The following CGREF1 variants were observed in gnomAD, a reference collection of about 807,000 sequenced individuals.
CGREF1 encodes cell growth regulator with EF-hand domain 1, also known as cell growth regulator with EF hand domain protein 1.
Under a neutral mutation model 17.4 loss-of-function variants are expected in CGREF1, and 16 were observed. The ratio of observed to expected loss-of-function variants is 0.92; its 90% CI spans 0.62 to 1.40. The LOEUF is 1.40. CGREF1 is among the 40% of genes most tolerant of loss of function. CGREF1 has a pLI of 0.00. For missense variants in CGREF1, 296 were observed against 376.4 expected (o/e 0.79, Z 1.77); for synonymous variants, 142 against 154.6 (o/e 0.92, Z 0.61).
intron 2 of CGREF1, 39 bp from the exon 3 acceptor site, chr2:27,102,630 T>TC: frequency 6.3e-7 from 1 of 1,580,918 alleles, no homozygotes; most frequent in Non-Finnish European, 8.6e-7. Context: ...GCAGAGAGCC[T>TC]CCCTCAGGGC....
At chr2:27,115,481 A>G (rs1044416736) in intron 1 of CGREF1, among the ~76,000 whole-genome samples, 45 of 152,360 alleles carry the variant, frequency 3.0e-4, no homozygotes, top group African/African-American at 1.1e-3. Context: ...GATAATATTT[A>G]CCTCACAGGG....
At position 27,100,870 on chromosome 2, in the gene CGREF1, C is replaced by T. The variant is rs774197365; in HGVS notation, c.*404G>A. 5.8e-4 allele frequency: 635 copies of T among 1,086,482 alleles called. No individual in the cohort carries two copies. The highest frequency in any genetic ancestry group is 2.2e-3 in the Middle Eastern group (5 of 2,260). 67.3% of individuals were successfully genotyped at this position (1,086,482 alleles called of 1,614,324 possible). A position where few individuals can be genotyped will look rare whatever the true frequency, so the allele number is the denominator to read the frequency against. Reference sequence around the variant, plus strand: ...GTCTGAACACCAGGTGAGGGGGAACCGGTGAGGGTTTGGGGCCCAGGGATA... The same window carrying T: ...GTCTGAACACCAGGTGAGGGGGAACTGGTGAGGGTTTGGGGCCCAGGGATA... On this transcript the variant is annotated 3_prime_UTR_variant, in exon 6 of 6. Transcript: ENST00000402394.
At chr2:27,102,623 G>T (rs1293345275) in intron 2 of CGREF1, 32 bp from the exon 3 acceptor site, 1 of 1,594,374 alleles carries the variant, frequency 6.3e-7, no homozygotes. Flanking sequence ...CAGCCTTGCA[G>T]AGAGCCTCCC....
intron 1 of CGREF1, among the ~76,000 whole-genome samples, chr2:27,108,198 T>C (rs955708314): frequency 6.6e-6 from 1 of 152,036 alleles, no homozygotes; most frequent in Admixed American, 6.6e-5. Flanking sequence ...GAGGTTGCAG[T>C]GAGCCAAGAT....
intron 1 of CGREF1, 50 bp from the exon 2 acceptor site, chr2:27,104,427 C>A: frequency 6.2e-7 from 1 of 1,600,680 alleles, no homozygotes; most frequent in East Asian, 2.2e-5. Flanking sequence ...CGTCTGCCAC[C>A]GTGTCACAGA....
chr2:27,116,873 C>A (rs866507216), intron 1 of CGREF1, among the ~76,000 whole-genome samples: 2 of 19,776 alleles, frequency 1.0e-4, no homozygotes, highest in Non-Finnish European at 1.9e-4. Flanking sequence ...CAGGCCTATT[C>A]TCTCTCTCTC....
downstream of CGREF1, chr2:27,099,503 C>T (rs368056714): frequency 2.6e-5 from 42 of 1,614,010 alleles, no homozygotes; most frequent in African/African-American, 6.7e-5. Flanking sequence ...GATGCTTTCC[C>T]GCCACCCCGC....
rs1670908743 is a variant in CGREF1, at chr2:27,102,241, G to A, written c.218-20C>T. On this transcript the variant is annotated intron_variant, in intron 4 of 5. Coordinates refer to ENST00000402394, the MANE Select transcript of CGREF1 (RefSeq NM_006569.6). ...GGAGAACTAAAGAGAAGAGAAGCTG[G>A]ATTAGAAGAGGTGCCGGGGGAGGTG... is the stretch of plus-strand genomic sequence containing the variant. 1 of 1,611,406 alleles carries A rather than the reference G, an allele frequency of 6.2e-7. No individual in the cohort carries two copies. Among genetic ancestry groups the A allele is most frequent in the Admixed American group, 1.7e-5 (1 of 59,856 alleles).
downstream of CGREF1, chr2:27,099,537 A>G (rs1474203726): frequency 1.9e-6 from 3 of 1,614,026 alleles, no homozygotes; most frequent in African/African-American, 4.0e-5. Context: ...TGGGAGCTGG[A>G]GACACCTTCA....
intron 2 of CGREF1, 129 bp from the exon 3 acceptor site, chr2:27,102,720 A>C (rs1353538736): frequency 3.6e-6 from 4 of 1,101,716 alleles, no homozygotes; most frequent in Non-Finnish European, 5.1e-6. Flanking sequence ...AAAATTCCAA[A>C]AACCCTGTAG....
At chr2:27,111,528 T>C (rs945689453) in intron 1 of CGREF1, among the ~76,000 whole-genome samples, 2 of 152,128 alleles carry the variant, frequency 1.3e-5, no homozygotes, top group African/African-American at 4.8e-5. Flanking sequence ...CCTCAGCCCT[T>C]GGGTGGTCGA....
At chr2:27,102,498 G>A in intron 3 of CGREF1, 28 bp downstream of exon 3, 1 of 1,613,908 alleles carries the variant, frequency 6.2e-7, no homozygotes, top group Non-Finnish European at 8.5e-7. Flanking sequence ...TCTTCTCCCT[G>A]AAAGCACCCC....
At chr2:27,107,923 G>C (rs1301241424) in intron 1 of CGREF1, among the ~76,000 whole-genome samples, 1 of 113,122 alleles carries the variant, frequency 8.8e-6, no homozygotes, top group African/African-American at 3.3e-5. Context: ...CACAGAGCGA[G>C]ACTCTGTCTC....
chr2:27,105,699 G>A (rs866202847), intron 1 of CGREF1, among the ~76,000 whole-genome samples: 4 of 152,060 alleles, frequency 2.6e-5, no homozygotes, highest in South Asian at 4.2e-4. Flanking sequence ...GGCAACTGCC[G>A]CCACACCTGG....
At chr2:27,099,778 TGGA>T, downstream of CGREF1, 1 of 1,611,044 alleles carries the variant, frequency 6.2e-7, no homozygotes, top group Non-Finnish European at 8.5e-7. Flanking sequence ...TCACACACCA[TGGA>T]GACTACCATT....
chr2:27,103,101 C>T (rs1016745622), intron 2 of CGREF1: 7 of 985,356 alleles, frequency 7.1e-6, no homozygotes, highest in East Asian at 1.1e-4. Context: ...CTCAGGATCT[C>T]GTTGTCAGTC....
downstream of CGREF1, chr2:27,099,774 A>C (rs757700349): frequency 4.3e-6 from 7 of 1,609,966 alleles, no homozygotes; most frequent in East Asian, 1.6e-4. Flanking sequence ...CTCCTCACAC[A>C]CCATGGAGAC....
At position 27,111,958 on chromosome 2, in the gene CGREF1, G is replaced by A. The variant is rs188957201; in HGVS notation, c.-12+6888C>T. Among the ~76,000 whole-genome samples the A allele has an allele frequency of 8.1e-4, 124 of 152,354 alleles. 3 individuals carry two copies. In the East Asian group the frequency reaches 0.02, roughly 24 times the overall value. ...GAAGGGCTCCTCAAGCGCGGCCAGA[G>A]TGGGCGCCAAGGCCGAGGAGGCGCC... On this transcript the variant is annotated intron_variant, in intron 1 of 5. Coordinates refer to ENST00000402394, the MANE Select transcript of CGREF1 (RefSeq NM_006569.6).
Position 27,113,389 on chromosome 2 carries a change from A to G in CGREF1, c.-12+5457T>C, listed in dbSNP as rs80345974. ...AGATATAAGTTTGTACAATAAGGAT[A>G]AATATTCATTTCTTTAATATTTATT... On this transcript the variant is annotated intron_variant, in intron 1 of 5. Coordinates refer to ENST00000402394, the MANE Select transcript of CGREF1 (RefSeq NM_006569.6). Among the ~76,000 whole-genome samples the G allele has an allele frequency of 8.7e-3, 1,318 of 152,336 alleles. 16 individuals are homozygous for G. Among genetic ancestry groups the G allele is most frequent in the African/African-American group, 0.03 (1,234 of 41,576 alleles).
Sources: allele counts gnomAD v4.1 joint callset (sites outside exome capture counted in the v4.1 genomes callset), GRCh38; gene constraint gnomAD v4.1.1; transcripts MANE v1.5; gene names NCBI Gene and HGNC (gene_info 2026-07-23, HGNC 2026-07-21).